PCDHGB2: variants seen among roughly 807,000 people sequenced by gnomAD.
The protein encoded by PCDHGB2 is protocadherin gamma subfamily B, 2, also known as protocadherin gamma-B2.
In PCDHGB2, 55 loss-of-function variants were observed where a neutral mutation model predicts 59.3. That is an observed-to-expected ratio of 0.93 (90% confidence interval 0.75 to 1.16). PCDHGB2 has a LOEUF of 1.16. PCDHGB2 is among the 50% of genes most tolerant of loss of function. The pLI is 0.00. For synonymous variants in PCDHGB2, 516 were observed against 512.0 expected (o/e 1.01, Z -0.11); for missense variants, 1,228 against 1,198.5 (o/e 1.02, Z -0.36).
At chr5:141,445,357 G>A (rs115045385) in intron 1 of PCDHGB2, among the ~76,000 whole-genome samples, 18 of 152,258 alleles carry the variant, frequency 1.2e-4, no homozygotes, top group Admixed American at 1.1e-3. Context: ...GTCTGCCCAA[G>A]TCTGGTCCTG....
chr5:141,509,602 C>T (rs921950654), intron 3 of PCDHGB2, among the ~76,000 whole-genome samples: 8 of 152,194 alleles, frequency 5.3e-5, no homozygotes, highest in Non-Finnish European at 8.8e-5. Context: ...TTCCGAGAGG[C>T]TGCATTCTAA....
At chr5:141,408,885 T>C (rs1263835706) in intron 1 of PCDHGB2, 3 of 1,612,902 alleles carry the variant, frequency 1.9e-6, no homozygotes, top group East Asian at 2.2e-5. Flanking sequence ...ACCGCTCACA[T>C]AGAAATTTCT....
rs756761584 is a variant in PCDHGB2 at position 141,476,545 on chromosome 5, G to A, written c.2422-18262G>A. 13 of 1,614,230 alleles carry A rather than the reference G, an allele frequency of 8.1e-6. No homozygotes were observed. The Admixed American group carries it at 2.2e-4, about 27-fold the overall frequency. On this transcript the variant is annotated intron_variant, in intron 1 of 3. Coordinates refer to ENST00000522605, the MANE Select transcript of PCDHGB2 (RefSeq NM_018923.3). This position sits in a 1 kb window ranked among gnomAD's most constrained non-coding sequence, Gnocchi z 7.6. ...TCCCTACCCAGGAAATGAAATTGGA[G>A]ATTAGCGAGGCCGTGGCTCCGGGGA...
At chr5:141,421,651 A>G in intron 1 of PCDHGB2, 1 of 1,613,868 alleles carries the variant, frequency 6.2e-7, no homozygotes, top group Non-Finnish European at 8.5e-7. Flanking sequence ...AGTGGAGATA[A>G]AAGTCAGTGA....
chr5:141,486,909 C>T lies in PCDHGB2; in HGVS notation c.2422-7898C>T, dbSNP rs759702188. ...CGGCCTGGTTCCTTATGTCCCCAAGCACTGCCTCCATCAGTTGGTGCTGGC... is the reference window on the plus strand; with the variant it reads ...CGGCCTGGTTCCTTATGTCCCCAAGTACTGCCTCCATCAGTTGGTGCTGGC... On this transcript the variant is annotated intron_variant, in intron 1 of 3. Transcript: ENST00000522605. This position sits in a 1 kb window ranked among gnomAD's most constrained non-coding sequence, Gnocchi z 5.0. 2 of 1,614,262 alleles carry T rather than the reference C, an allele frequency of 1.2e-6. No homozygotes were observed. Among genetic ancestry groups the T allele is most frequent in the Non-Finnish European group, 1.7e-6 (2 of 1,180,054 alleles).
rs114918874 is a variant in PCDHGB2 at position 141,487,585 on chromosome 5, C to T, written c.2422-7222C>T. On this transcript the variant is annotated intron_variant, in intron 1 of 3. Transcript: ENST00000522605. This position sits in a 1 kb window ranked among gnomAD's most constrained non-coding sequence, Gnocchi z 5.0. Reference sequence around the variant, plus strand: ...CAGGGGAGCCTGTTCGCCCAAGCTGCCCACCCTCTGATCTTCTCTATGGGC... The same window carrying T: ...CAGGGGAGCCTGTTCGCCCAAGCTGTCCACCCTCTGATCTTCTCTATGGGC... 7,902 of 1,614,160 alleles carry T rather than the reference C, an allele frequency of 4.9e-3. 42 individuals are homozygous for T. The highest frequency in any genetic ancestry group is 8.8e-3 in the Admixed American group (531 of 60,020).
At position 141,398,766 on chromosome 5, in the gene PCDHGB2, T is replaced by A. The variant is rs775055352; in HGVS notation, c.2421+36210T>A. On this transcript the variant is annotated intron_variant, in intron 1 of 3. Coordinates refer to ENST00000522605, the MANE Select transcript of PCDHGB2 (RefSeq NM_018923.3). ...AGAGTTACCATCGTTTAGTCCTGACTGCCTTGGACGGTGGACATCCACCCC... is the reference window on the plus strand; with the variant it reads ...AGAGTTACCATCGTTTAGTCCTGACAGCCTTGGACGGTGGACATCCACCCC... 2.1e-5 allele frequency: 34 copies of A among 1,613,844 alleles called. 1 individual carries two copies. In the South Asian group the frequency reaches 3.1e-4, roughly 15 times the overall value.
At position 141,490,753 on chromosome 5, in the gene PCDHGB2, T is replaced by C; in HGVS notation, c.2422-4054T>C. ...TCAGGTTCAGGGAGCCCCAGCCTCC[T>C]CCTTTGTGTATGTCAACCCAGAGGA... On this transcript the variant is annotated intron_variant, in intron 1 of 3. Transcript: ENST00000522605. This position sits in a 1 kb window ranked among gnomAD's most constrained non-coding sequence, Gnocchi z 5.4. 1 of 1,614,184 alleles carries C rather than the reference T, an allele frequency of 6.2e-7. No individual in the cohort carries two copies. The highest frequency in any genetic ancestry group is 8.5e-7 in the Non-Finnish European group (1 of 1,180,024).
At chr5:141,408,816 A>T in intron 1 of PCDHGB2, 1 of 1,613,562 alleles carries the variant, frequency 6.2e-7, no homozygotes, top group East Asian at 2.2e-5. Flanking sequence ...CGGGAAGAAC[A>T]GAGATCTCAT....
At chr5:141,375,754 C>A (rs764343077) in intron 1 of PCDHGB2, 1 of 1,614,244 alleles carries the variant, frequency 6.2e-7, no homozygotes, top group East Asian at 2.2e-5. Flanking sequence ...ACCAGAATGA[C>A]AATGCGCCCG....
Position 141,476,116 on chromosome 5 carries a change from G to C in PCDHGB2, c.2422-18691G>C, listed in dbSNP as rs367958555. On this transcript the variant is annotated intron_variant, in intron 1 of 3. Transcript: ENST00000522605. The surrounding 1 kb of genome is among the most constrained non-coding windows in gnomAD (Gnocchi z 7.6). ...GCTGAGAGGAACTGCTTTTGAGTGA[G>C]ATGGTCCCAGAGGCCTGGAGGAGCG... 504 of 1,593,954 alleles carry C rather than the reference G, an allele frequency of 3.2e-4. No individual in the cohort carries two copies. Among genetic ancestry groups the C allele is most frequent in the Non-Finnish European group, 4.1e-4 (479 of 1,172,292 alleles).
At chr5:141,415,573 G>A (rs375863243) in intron 1 of PCDHGB2, 68 of 1,613,906 alleles carry the variant, frequency 4.2e-5, no homozygotes, top group Non-Finnish European at 1.2e-5. Flanking sequence ...TTTGTTAGAT[G>A]ATTCGAAGTT....
intron 1 of PCDHGB2, among the ~76,000 whole-genome samples, chr5:141,407,024 A>G (rs909800590): frequency 6.6e-6 from 1 of 152,232 alleles, no homozygotes; most frequent in Non-Finnish European, 1.5e-5. Context: ...TCAAAATTCT[A>G]TGCTAAACAT....
chr5:141,398,829 C>G (rs1020690994), intron 1 of PCDHGB2: 2 of 1,613,876 alleles, frequency 1.2e-6, no homozygotes, highest in African/African-American at 1.3e-5. Context: ...AGGTAACCGA[C>G]GCCAATGATA....
intron 1 of PCDHGB2, chr5:141,421,399 C>T (rs777999539): frequency 1.2e-6 from 2 of 1,613,928 alleles, no homozygotes; most frequent in East Asian, 2.2e-5. Flanking sequence ...GCTGGAGCCC[C>T]GGGAGCTGGC....
At chr5:141,408,851 G>A in intron 1 of PCDHGB2, 1 of 1,613,574 alleles carries the variant, frequency 6.2e-7, no homozygotes, top group Non-Finnish European at 8.5e-7. Context: ...TGCCTTGGAC[G>A]GAGGGGACCC....
chr5:141,476,743 T>A lies in PCDHGB2; in HGVS notation c.2422-18064T>A. On this transcript the variant is annotated intron_variant, in intron 1 of 3. Coordinates refer to ENST00000522605, the MANE Select transcript of PCDHGB2 (RefSeq NM_018923.3). The surrounding 1 kb of genome is among the most constrained non-coding windows in gnomAD (Gnocchi z 7.6). ...CCCTGGACCGAGAACGGGAGCCTAG[T>A]CTCCAGTTAGTGCTGACGGCGTTGG... is the stretch of plus-strand genomic sequence containing the variant. The A allele has an allele frequency of 6.2e-7, 1 of 1,613,932 alleles. No individual in the cohort carries two copies. The highest frequency in any genetic ancestry group is 1.1e-5 in the South Asian group (1 of 91,064).
chr5:141,361,398 C>T lies in PCDHGB2; in HGVS notation c.1263C>T (p.Thr421=), dbSNP rs770221775. The T allele has an allele frequency of 3.1e-6, 5 of 1,613,888 alleles. No individual in the cohort carries two copies. Among genetic ancestry groups the T allele is most frequent in the Non-Finnish European group, 4.2e-6 (5 of 1,179,906 alleles). ...DREEIPEYNL[T]ITATDGGKPP... Reference sequence around the variant, plus strand: ...AGGAGATCCCAGAATACAATCTCACCATCACAGCCACCGACGGGGGCAAGC... The same window carrying T: ...AGGAGATCCCAGAATACAATCTCACTATCACAGCCACCGACGGGGGCAAGC... Residue 421 remains threonine (T), a synonymous_variant, in exon 1 of 4, where the codon ACC becomes ACT. Transcript: ENST00000522605.
intron 1 of PCDHGB2, chr5:141,475,814 TC>T: frequency 3.0e-6 from 1 of 338,520 alleles, no homozygotes; most frequent in Non-Finnish European, 5.4e-6. Flanking sequence ...AAAGTGAAGT[TC>T]CTGGCGCTAG....
Sources: gnomAD v4.1 joint callset for allele counts (sites outside exome capture counted in the v4.1 genomes callset) on GRCh38, gnomAD v4.1.1 for gene constraint, Gnocchi (gnomAD v3.1) non-coding constraint, MANE v1.5 for transcripts, NCBI Gene and HGNC (gene_info 2026-07-23, HGNC 2026-07-21) for gene names.